The following SERPINB7 variants were observed in gnomAD, a reference collection of about 807,000 sequenced individuals.
The protein encoded by SERPINB7 is serpin family B member 7.
Under a neutral mutation model 37.4 loss-of-function variants are expected in SERPINB7, and 31 were observed. The ratio of observed to expected loss-of-function variants is 0.83; its 90% CI spans 0.62 to 1.12. SERPINB7 has a LOEUF of 1.12. Ranked by LOEUF, SERPINB7 falls within the 50% of genes most tolerant of loss-of-function variation. The pLI is 0.00. For missense variants in SERPINB7, 521 were observed against 455.3 expected, an observed-to-expected ratio of 1.14 and a Z score of -1.31; for synonymous variants, 163 against 166.1, an observed-to-expected ratio of 0.98 and a Z score of 0.14.
At chr18:63,755,172 G>C (rs1043651608) in intron 1 of SERPINB7, among the ~76,000 whole-genome samples, 2 of 151,706 alleles carry the variant, frequency 1.3e-5, no homozygotes, top group Non-Finnish European at 2.9e-5. Context: ...CCAAAGTGCT[G>C]GGATTACAGG....
rs2049446828 is a variant in SERPINB7 at position 63,793,146 on chromosome 18, T to A, written c.220-15T>A. 5 of 1,401,148 alleles carry A rather than the reference T, an allele frequency of 3.6e-6. No homozygotes were observed. The highest frequency in any genetic ancestry group is 4.9e-6 in the Non-Finnish European group (5 of 1,015,612). 86.8% of individuals were successfully genotyped at this position (1,401,148 alleles called of 1,614,324 possible). A position where few individuals can be genotyped will look rare whatever the true frequency, so the allele number is the denominator to read the frequency against. On this transcript the variant is annotated splice_polypyrimidine_tract_variant and intron_variant, in intron 3 of 7. Transcript: ENST00000398019. ...CAGTCCAAAAATAAATTTTTATACA[T>A]CTTTTTAATAACAGTCAGGGCTCCA...
chr18:63,758,530 T>C (rs1293994969), intron 1 of SERPINB7, among the ~76,000 whole-genome samples: 2 of 152,228 alleles, frequency 1.3e-5, no homozygotes, highest in Non-Finnish European at 2.9e-5. Flanking sequence ...ATGTGTCTAT[T>C]ATCAGCTGGT....
chr18:63,776,141 G>A (rs575649506), intron 1 of SERPINB7, among the ~76,000 whole-genome samples: 2 of 152,052 alleles, frequency 1.3e-5, no homozygotes, highest in Non-Finnish European at 2.9e-5. Context: ...CTATCCCAGA[G>A]GCATTAGGTC....
intron 1 of SERPINB7, among the ~76,000 whole-genome samples, chr18:63,780,277 T>C (rs1285283597): frequency 6.6e-6 from 1 of 152,206 alleles, no homozygotes; most frequent in Non-Finnish European, 1.5e-5. Flanking sequence ...AATTTCCTTC[T>C]AAAATTAATG....
chr18:63,771,943 A>T (rs2049213757), upstream of SERPINB7, among the ~76,000 whole-genome samples: 1 of 151,714 alleles, frequency 6.6e-6, no homozygotes, highest in African/African-American at 2.4e-5. Flanking sequence ...GCACCCTAGG[A>T]TCTATTTCAG....
intron 7 of SERPINB7, among the ~76,000 whole-genome samples, chr18:63,801,270 A>G (rs573272385): frequency 4.6e-5 from 7 of 152,348 alleles, no homozygotes; most frequent in Non-Finnish European, 1.0e-4. Context: ...AATGTCAGCT[A>G]TGGAATTAAA....
chr18:63,763,168 G>A (rs928122044), intron 1 of SERPINB7, among the ~76,000 whole-genome samples: 5 of 152,054 alleles, frequency 3.3e-5, no homozygotes, highest in Admixed American at 2.0e-4. Context: ...TCTGCTTTTC[G>A]TAATCAAAGT....
At chr18:63,798,457 CATT>C (rs1305686201) in intron 5 of SERPINB7, 144 bp from the exon 6 acceptor site, 1 of 606,084 alleles carries the variant, frequency 1.6e-6, no homozygotes, top group Non-Finnish European at 2.8e-6. Flanking sequence ...GTGCTGGACA[CATT>C]AATTGCTCAT....
At chr18:63,803,465 T>TG (rs1465679389) in intron 7 of SERPINB7, among the ~76,000 whole-genome samples, 2 of 152,234 alleles carry the variant, frequency 1.3e-5, no homozygotes, top group Non-Finnish European at 2.9e-5. Context: ...ACAATGTTTA[T>TG]GAAAAATCTT....
intron 2 of SERPINB7, among the ~76,000 whole-genome samples, chr18:63,786,233 T>C (rs11660522): frequency 0.13 from 9,784 of 75,958 alleles, 690 homozygotes; most frequent in Non-Finnish European, 0.18. Flanking sequence ...TATATATATA[T>C]ACACACACAC....
At chr18:63,783,432 G>A (rs951599454) in intron 2 of SERPINB7, among the ~76,000 whole-genome samples, 19 of 152,216 alleles carry the variant, frequency 1.2e-4, no homozygotes, top group African/African-American at 4.3e-4. Flanking sequence ...ATACAGTTGA[G>A]ATAGGAGAGT....
At chr18:63,757,069 G>T (rs2049126650) in intron 1 of SERPINB7, among the ~76,000 whole-genome samples, 1 of 151,884 alleles carries the variant, frequency 6.6e-6, no homozygotes, top group South Asian at 2.1e-4. Flanking sequence ...TAATAGAGTT[G>T]TTTGTTTTTT....
intron 4 of SERPINB7, among the ~76,000 whole-genome samples, chr18:63,795,940 G>A (rs1429956682): frequency 1.3e-5 from 2 of 152,200 alleles, no homozygotes; most frequent in Non-Finnish European, 2.9e-5. Context: ...ACACAGGCAA[G>A]GGAGACTGGT....
At chr18:63,769,334 A>G (rs1476356765) in intron 1 of SERPINB7, among the ~76,000 whole-genome samples, 2 of 150,474 alleles carry the variant, frequency 1.3e-5, no homozygotes, top group Non-Finnish European at 2.9e-5. Context: ...TCTATTTGCT[A>G]TTACTATCTA....
At chr18:63,755,894 T>C (rs903505006) in intron 1 of SERPINB7, among the ~76,000 whole-genome samples, 3 of 152,092 alleles carry the variant, frequency 2.0e-5, no homozygotes, top group African/African-American at 7.2e-5. Context: ...ACCCTGTCTC[T>C]AAAACAAAAA....
intron 2 of SERPINB7, among the ~76,000 whole-genome samples, chr18:63,785,073 A>G (rs2049350709): frequency 6.6e-6 from 1 of 152,174 alleles, no homozygotes; most frequent in Non-Finnish European, 1.5e-5. Context: ...TATAACTCTT[A>G]CTATTATGAT....
chr18:63,797,686 C>G (rs886224125), intron 5 of SERPINB7, among the ~76,000 whole-genome samples: 2 of 152,202 alleles, frequency 1.3e-5, no homozygotes, highest in Non-Finnish European at 2.9e-5. Flanking sequence ...AATATCAGAG[C>G]CATCCTTTTG....
Position 63,804,460 on chromosome 18 carries a change from A to G in SERPINB7, c.968A>G (p.His323Arg). ...CGTCTGTATATATCAAGGATGATGC[A>G]CAAATCTTACATAGAGGTCACTGAG... The part of the protein sequence containing the change: ...GGRLYISRMM[H>R]KSYIEVTEEG... Residue 323 changes from histidine (H) to arginine (R), a missense_variant, in exon 8 of 8, where the codon CAC (histidine) becomes CGC (arginine). By Grantham distance (29) the His-to-Arg change is conservative. Transcript: ENST00000398019. 6.2e-7 allele frequency: 1 copy of G among 1,613,798 alleles called. No individual in the cohort carries two copies. Among genetic ancestry groups the G allele is most frequent in the Non-Finnish European group, 8.5e-7 (1 of 1,179,864 alleles).
chr18:63,757,398 G>A (rs1189716098), intron 1 of SERPINB7, among the ~76,000 whole-genome samples: 3 of 152,146 alleles, frequency 2.0e-5, no homozygotes, highest in Admixed American at 2.0e-4. Context: ...AAAATCAAGA[G>A]AGATGCTAAT....
Sources: allele counts gnomAD v4.1 joint callset (sites outside exome capture counted in the v4.1 genomes callset), GRCh38; gene constraint gnomAD v4.1.1; transcripts MANE v1.5; gene names NCBI Gene and HGNC (gene_info 2026-07-23, HGNC 2026-07-21).